Variants in BMP7 observed in about 807,000 individuals in gnomAD.
The protein encoded by BMP7 is bone morphogenetic protein 7.
BMP7 carries 12 observed loss-of-function variants against 41.2 expected under a neutral mutation model. That is an observed-to-expected ratio of 0.29 (90% confidence interval 0.19 to 0.47). The LOEUF is 0.47. BMP7 is among the 20% of genes least tolerant of loss of function. The pLI, the probability that BMP7 is intolerant of heterozygous loss-of-function variation, is 0.99. For missense variants in BMP7, 467 were observed against 606.0 expected, an observed-to-expected ratio of 0.77 and a Z score of 2.41; for synonymous variants, 248 against 250.0, an observed-to-expected ratio of 0.99 and a Z score of 0.07.
intron 3 of BMP7, among the ~76,000 whole-genome samples, chr20:57,186,846 GCTA>G (rs1984224049): frequency 2.0e-5 from 3 of 152,146 alleles, no homozygotes; most frequent in African/African-American, 7.2e-5. Context: ...CCCACCCGCC[GCTA>G]TTTTACCTTA....
intron 1 of BMP7, among the ~76,000 whole-genome samples, chr20:57,238,940 T>C (rs1307612758): frequency 1.3e-5 from 2 of 152,042 alleles, no homozygotes; most frequent in South Asian, 2.1e-4. Flanking sequence ...CCACAACACA[T>C]GGGCATTCTG....
At chr20:57,264,461 G>C (rs2066166101) in intron 1 of BMP7, among the ~76,000 whole-genome samples, 1 of 152,198 alleles carries the variant, frequency 6.6e-6, no homozygotes, top group Admixed American at 6.5e-5. Flanking sequence ...GTCCCGCAGC[G>C]CGCTGGCGCT....
intron 1 of BMP7, among the ~76,000 whole-genome samples, chr20:57,248,140 G>A (rs2066097579): frequency 6.6e-6 from 1 of 152,156 alleles, no homozygotes; most frequent in South Asian, 2.1e-4. Flanking sequence ...CTATCATCTG[G>A]AGGCTTTGGA....
chr20:57,243,509 C>A (rs931870886), intron 1 of BMP7, among the ~76,000 whole-genome samples: 1 of 152,058 alleles, frequency 6.6e-6, no homozygotes, highest in Non-Finnish European at 1.5e-5. Flanking sequence ...AATGAAATGG[C>A]GTTCCCAGTG....
intron 1 of BMP7, among the ~76,000 whole-genome samples, chr20:57,235,275 G>A (rs905873230): frequency 6.6e-6 from 1 of 152,184 alleles, no homozygotes; most frequent in Non-Finnish European, 1.5e-5. Flanking sequence ...GGAGTTTCCA[G>A]TTTGAGCCAT....
chr20:57,224,810 C>T lies in BMP7; in HGVS notation c.611+3419G>A, dbSNP rs921465502. On this transcript the variant is annotated intron_variant, in intron 2 of 6. Coordinates refer to ENST00000395863, the MANE Select transcript of BMP7 (RefSeq NM_001719.3). This position sits in a 1 kb window ranked among gnomAD's most constrained non-coding sequence, Gnocchi z 4.8. ...CCCGCCAAGGGCGGCTCCAACATGT[C>T]TTTCCAGCTGTCTGGGGCCGCGCTT... The T allele has an allele frequency of 1.3e-5, 2 of 152,380 alleles. No individual in the cohort carries two copies. The highest frequency in any genetic ancestry group is 2.9e-5 in the Non-Finnish European group (2 of 68,126). The allele number at this position is 152,380 out of a possible 1,614,324, so 9.4% of individuals were successfully genotyped here.
intron 1 of BMP7, among the ~76,000 whole-genome samples, chr20:57,251,635 A>T (rs1415970168): frequency 6.6e-6 from 1 of 152,192 alleles, no homozygotes; most frequent in African/African-American, 2.4e-5. Flanking sequence ...AGGGACAGAT[A>T]AAAAACTCAG....
chr20:57,263,376 A>T (rs77428719), intron 1 of BMP7, among the ~76,000 whole-genome samples: 1 of 152,178 alleles, frequency 6.6e-6, no homozygotes, highest in Non-Finnish European at 1.5e-5. Flanking sequence ...GGCCTTCCCA[A>T]ACAAGTCCCA....
Position 57,183,735 on chromosome 20 carries a change from C to T in BMP7, c.945G>A (p.Met315Ile), listed in dbSNP as rs183792918. 315 of 1,614,098 alleles carry T rather than the reference C, an allele frequency of 2.0e-4. No homozygotes were observed. In the Admixed American group the frequency reaches 5.2e-3, roughly 26 times the overall value. The stretch of plus-strand genomic sequence containing the variant: ...ACCTAAGCATACCTGCCACGTTGGC[C>T]ATCCGCAGGGCTTCCTGGTTCTTGG... ...KTPKNQEALRMANVAENSSSD... is the reference protein window; with the variant it reads ...KTPKNQEALRIANVAENSSSD... Residue 315 changes from methionine to isoleucine, a missense_variant, in exon 4 of 7, where the codon ATG becomes ATA. Met to Ile is a conservative substitution (Grantham distance 10). This residue lies in a region of BMP7 where 407 missense variants were observed against 485.9 expected (regional missense o/e 0.84). Transcript: ENST00000395863.
chr20:57,216,895 C>A (rs1985045572), intron 2 of BMP7, among the ~76,000 whole-genome samples: 1 of 152,138 alleles, frequency 6.6e-6, no homozygotes, highest in African/African-American at 2.4e-5. Flanking sequence ...ATGGCAGGGA[C>A]CCCCGCCAGG....
chr20:57,254,449 T>C (rs940524366), intron 1 of BMP7, among the ~76,000 whole-genome samples: 1 of 151,708 alleles, frequency 6.6e-6, no homozygotes, highest in African/African-American at 2.4e-5. Context: ...AGGTAGGGAG[T>C]CCTTCCTGCC....
At chr20:57,242,031 C>T (rs995109558) in intron 1 of BMP7, among the ~76,000 whole-genome samples, 14 of 152,190 alleles carry the variant, frequency 9.2e-5, no homozygotes, top group South Asian at 8.3e-4. Context: ...CCCTGGCCTA[C>T]GGCTTCCCAC....
At chr20:57,180,108 G>A (rs1385764357) in intron 4 of BMP7, among the ~76,000 whole-genome samples, 2 of 152,004 alleles carry the variant, frequency 1.3e-5, no homozygotes, top group African/African-American at 4.8e-5. Flanking sequence ...AGGAGTCTCC[G>A]GCCTCTGAGC....
intron 2 of BMP7, among the ~76,000 whole-genome samples, chr20:57,223,958 T>C (rs1470512226): frequency 6.6e-6 from 1 of 152,202 alleles, no homozygotes; most frequent in Non-Finnish European, 1.5e-5. Flanking sequence ...GTGAGGGGGC[T>C]GCATCGTTCC....
At chr20:57,258,208 A>T (rs2066141271) in intron 1 of BMP7, among the ~76,000 whole-genome samples, 1 of 152,242 alleles carries the variant, frequency 6.6e-6, no homozygotes, top group African/African-American at 2.4e-5. Flanking sequence ...CAGTATAAAG[A>T]GCTGAAGGGA....
At chr20:57,251,882 C>T (rs559769039) in intron 1 of BMP7, among the ~76,000 whole-genome samples, 3 of 152,220 alleles carry the variant, frequency 2.0e-5, no homozygotes, top group African/African-American at 4.8e-5. Context: ...TGCAGTGAGC[C>T]GGGATCGCGC....
rs570327373 is a variant in BMP7, at chr20:57,256,459, C to A, written c.418+9246G>T. 5.9e-5 allele frequency among the ~76,000 whole-genome samples: 9 copies of A among 152,360 alleles called. No homozygotes were observed. In the South Asian group the frequency reaches 1.9e-3, roughly 32 times the overall value. ...CTTTCTGAGCAAGCAGTGGTATCGT[C>A]ATCTCCTTGCCAACCTTGGGTCAGG... is the stretch of plus-strand genomic sequence containing the variant. On this transcript the variant is annotated intron_variant, in intron 1 of 6. Coordinates refer to ENST00000395863, the MANE Select transcript of BMP7 (RefSeq NM_001719.3).
intron 3 of BMP7, among the ~76,000 whole-genome samples, chr20:57,196,890 AACAT>A (rs762516875): frequency 1.3e-5 from 2 of 151,994 alleles, no homozygotes; most frequent in Admixed American, 6.5e-5. Flanking sequence ...ATGGCCATAA[AACAT>A]ACTTTTTAAT....
chr20:57,211,889 A>G (rs1274526677), intron 2 of BMP7, among the ~76,000 whole-genome samples: 1 of 152,204 alleles, frequency 6.6e-6, no homozygotes, highest in East Asian at 1.9e-4. Context: ...AGACCTCCCA[A>G]ACTCTAAGAG....
Sources: allele counts gnomAD v4.1 joint callset (sites outside exome capture counted in the v4.1 genomes callset), GRCh38; gene constraint gnomAD v4.1.1; regional missense constraint gnomAD v4.1.1; non-coding constraint Gnocchi (gnomAD v3.1); transcripts MANE v1.5; gene names NCBI Gene and HGNC (gene_info 2026-07-23, HGNC 2026-07-21).